SKIC3: variants seen among roughly 807,000 people sequenced by gnomAD.
SKIC3 encodes the protein superkiller complex protein 3.
At chr5:95,549,281 C>G in the SKIC3 span, among the ~76,000 whole-genome samples, 1 of 151,744 alleles carries the variant, frequency 6.6e-6, no homozygotes, top group Non-Finnish European at 1.5e-5. Flanking sequence ...AGTGAGAAAG[C>G]CAGGCTGAAT....
the SKIC3 span, among the ~76,000 whole-genome samples, chr5:95,539,917 AG>A: frequency 6.6e-6 from 1 of 152,226 alleles, no homozygotes; most frequent in South Asian, 2.1e-4. Flanking sequence ...ATCTACCCAG[AG>A]GAAAAGAAGT....
the SKIC3 span, chr5:95,541,991 A>G: frequency 2.4e-6 from 2 of 822,874 alleles, no homozygotes; most frequent in Non-Finnish European, 4.0e-6. Context: ...ATAATATGAT[A>G]ATCTATAAAG....
the SKIC3 span, among the ~76,000 whole-genome samples, chr5:95,520,147 T>C: frequency 6.6e-6 from 1 of 151,954 alleles, no homozygotes; most frequent in Non-Finnish European, 1.5e-5. Flanking sequence ...CAGATAACAC[T>C]TTTTCTGACC....
chr5:95,502,878 A>G, the SKIC3 span: 1 of 1,613,378 alleles, frequency 6.2e-7, no homozygotes, highest in Non-Finnish European at 8.5e-7. Flanking sequence ...AACTATACAT[A>G]CCATTTAAAT....
the SKIC3 span, among the ~76,000 whole-genome samples, chr5:95,530,641 C>T: frequency 1.3e-5 from 2 of 152,190 alleles, no homozygotes; most frequent in Non-Finnish European, 2.9e-5. Flanking sequence ...CCAGCAGACT[C>T]TTCCAGCATC....
chr5:95,549,669 G>A, the SKIC3 span, among the ~76,000 whole-genome samples: 2 of 151,892 alleles, frequency 1.3e-5, no homozygotes, highest in African/African-American at 4.8e-5. Context: ...ATGTACGTAA[G>A]TTTCAGAAGT....
the SKIC3 span, chr5:95,482,734 A>G: frequency 3.1e-6 from 4 of 1,271,762 alleles, no homozygotes; most frequent in Non-Finnish European, 4.4e-6. Context: ...CTGAAGGTTT[A>G]TACCTTTTCT....
At chr5:95,553,730 C>T in the SKIC3 span, among the ~76,000 whole-genome samples, 67,715 of 151,972 alleles carry the variant, frequency 0.45, 18,727 homozygotes, top group African/African-American at 0.79. Context: ...CAGTATTTTG[C>T]GTATTTTTCG....
chr5:95,537,241 A>G, the SKIC3 span: 1 of 1,043,146 alleles, frequency 9.6e-7, no homozygotes, highest in Non-Finnish European at 1.5e-6. Context: ...AATTAACTGC[A>G]AATGTATTCT....
the SKIC3 span, chr5:95,512,502 T>C: frequency 6.2e-7 from 1 of 1,614,014 alleles, no homozygotes; most frequent in South Asian, 1.1e-5. Flanking sequence ...AAATAACTTG[T>C]GCTGCTGGAA....
the SKIC3 span, among the ~76,000 whole-genome samples, chr5:95,543,640 T>C: frequency 6.6e-6 from 1 of 152,198 alleles, no homozygotes; most frequent in Admixed American, 6.5e-5. Context: ...TACTCAATCA[T>C]CCTGCCTGTC....
the SKIC3 span, chr5:95,507,020 A>G: frequency 1.1e-5 from 18 of 1,611,258 alleles, no homozygotes; most frequent in African/African-American, 2.0e-4. Flanking sequence ...CCCTTAAAAA[A>G]AAAAAGGTAT....
chr5:95,533,348 A>C, the SKIC3 span, among the ~76,000 whole-genome samples: 3 of 152,162 alleles, frequency 2.0e-5, no homozygotes, highest in Non-Finnish European at 4.4e-5. Context: ...AATTCTGTAC[A>C]TACTGAAGTA....
the SKIC3 span, among the ~76,000 whole-genome samples, chr5:95,473,902 G>A: frequency 6.6e-6 from 1 of 152,142 alleles, no homozygotes. Flanking sequence ...CTGTGCAGAA[G>A]CTCTTTAATT....
the SKIC3 span, chr5:95,516,829 G>A: frequency 6.4e-7 from 1 of 1,569,636 alleles, no homozygotes; most frequent in Non-Finnish European, 8.7e-7. Context: ...GGTTTTATGT[G>A]AAAACACTAT....
chr5:95,539,642 G>C, the SKIC3 span, among the ~76,000 whole-genome samples: 1 of 152,090 alleles, frequency 6.6e-6, no homozygotes, highest in Non-Finnish European at 1.5e-5. Flanking sequence ...TCAGGAGTTT[G>C]AGATCAGCCT....
chr5:95,537,008 A>G, the SKIC3 span: 1 of 1,601,836 alleles, frequency 6.2e-7, no homozygotes, highest in African/African-American at 1.3e-5. Flanking sequence ...AGAAATACAT[A>G]CAAGTCACAT....
At chr5:95,533,803 G>C in the SKIC3 span, among the ~76,000 whole-genome samples, 2 of 152,124 alleles carry the variant, frequency 1.3e-5, no homozygotes, top group South Asian at 2.1e-4. Flanking sequence ...CTGAATTTAT[G>C]TGCAAAACTC....
chr5:95,499,169 T>C, the SKIC3 span, among the ~76,000 whole-genome samples: 1 of 152,206 alleles, frequency 6.6e-6, no homozygotes, highest in Non-Finnish European at 1.5e-5. Context: ...TGGACCTGTG[T>C]CTCTGCCCAA....
Sources: allele counts gnomAD v4.1 joint callset (sites outside exome capture counted in the v4.1 genomes callset), GRCh38; gene constraint gnomAD v4.1.1; transcripts MANE v1.5; gene names NCBI Gene and HGNC (gene_info 2026-07-23, HGNC 2026-07-21).